The following KCNMB4 variants were observed in gnomAD, a reference collection of about 807,000 sequenced individuals.
The protein encoded by KCNMB4 is potassium calcium-activated channel subfamily M regulatory beta subunit 4, also known as calcium-activated potassium channel subunit beta-4.
Under a neutral mutation model 20.7 loss-of-function variants are expected in KCNMB4, and 3 were observed. The ratio of observed to expected loss-of-function variants is 0.14; its 90% CI spans 0.07 to 0.37. The LOEUF (loss-of-function observed/expected upper bound fraction) is 0.37, where lower values mean the gene tolerates loss of function less well. Ranked by LOEUF, KCNMB4 falls within the 10% of genes least tolerant of loss-of-function variation. The pLI, the probability that KCNMB4 is intolerant of heterozygous loss-of-function variation, is 1.00. For missense variants in KCNMB4, 168 were observed against 265.9 expected (o/e 0.63, Z 2.56); for synonymous variants, 110 against 113.4 (o/e 0.97, Z 0.19).
At chr12:70,385,766 A>G (rs557026505) in intron 1 of KCNMB4, among the ~76,000 whole-genome samples, 20 of 152,332 alleles carry the variant, frequency 1.3e-4, no homozygotes, top group Admixed American at 1.3e-3. Flanking sequence ...TATGCCAATA[A>G]ATTTGAACTC....
intron 1 of KCNMB4, among the ~76,000 whole-genome samples, chr12:70,395,470 C>T (rs1868342768): frequency 6.6e-6 from 1 of 152,074 alleles, no homozygotes; most frequent in Non-Finnish European, 1.5e-5. Flanking sequence ...CACAAAGAAC[C>T]TACTCAAAAA....
rs1020777437 is a variant in KCNMB4, at chr12:70,379,579, G to A, written c.336+12509G>A. Among the ~76,000 whole-genome samples the A allele has an allele frequency of 1.1e-4, 16 of 152,094 alleles. 1 individual carries two copies. Among genetic ancestry groups the A allele is most frequent in the Admixed American group, 1.0e-3 (16 of 15,270 alleles). Reference sequence around the variant, plus strand: ...CTACAGGTGCACTCTACCACACCTGGCTAATGTTTGTATTTTTTGTAGAGA... The same window carrying A: ...CTACAGGTGCACTCTACCACACCTGACTAATGTTTGTATTTTTTGTAGAGA... On this transcript the variant is annotated intron_variant, in intron 1 of 2. Coordinates refer to ENST00000258111, the MANE Select transcript of KCNMB4 (RefSeq NM_014505.6).
chr12:70,410,120 A>G (rs954610936), intron 2 of KCNMB4, among the ~76,000 whole-genome samples: 2 of 152,212 alleles, frequency 1.3e-5, no homozygotes, highest in African/African-American at 4.8e-5. Flanking sequence ...CAGTAGTCCT[A>G]GAATGAACTC....
intron 2 of KCNMB4, among the ~76,000 whole-genome samples, chr12:70,411,983 A>G (rs1218174521): frequency 1.3e-5 from 2 of 152,156 alleles, no homozygotes; most frequent in African/African-American, 4.8e-5. Flanking sequence ...AACAATTTGG[A>G]GACTGTTGTA....
intron 1 of KCNMB4, among the ~76,000 whole-genome samples, chr12:70,377,315 A>G (rs953594019): frequency 2.6e-5 from 4 of 152,234 alleles, no homozygotes; most frequent in East Asian, 1.9e-4. Flanking sequence ...AACAAAGCCA[A>G]TATTACGATA....
chr12:70,377,793 A>G (rs1305443741), intron 1 of KCNMB4, among the ~76,000 whole-genome samples: 4 of 152,188 alleles, frequency 2.6e-5, no homozygotes, highest in African/African-American at 4.8e-5. Flanking sequence ...AACAGTGTTC[A>G]CAGCATTTTC....
chr12:70,368,625 A>G (rs1387557930), intron 1 of KCNMB4, among the ~76,000 whole-genome samples: 1 of 152,164 alleles, frequency 6.6e-6, no homozygotes, highest in East Asian at 1.9e-4. Context: ...AATGTCAAAG[A>G]TGAGTGCCAA....
chr12:70,408,610 C>T (rs1028539693), intron 2 of KCNMB4, among the ~76,000 whole-genome samples: 1 of 151,928 alleles, frequency 6.6e-6, no homozygotes, highest in African/African-American at 2.4e-5. Context: ...AGTCTCGGTG[C>T]GGCCATCCCT....
rs894419413 is a variant in KCNMB4, at chr12:70,432,754, G to A, written c.*2101G>A. ...ACTATTCTGAAGCATAGAGTAACAC[G>A]AAACTGGGAGTCCGAGAAATAATCA... On this transcript the variant is annotated 3_prime_UTR_variant, in exon 3 of 3. Transcript: ENST00000258111. The A allele has an allele frequency of 3.3e-5, 5 of 152,144 alleles. No homozygotes were observed. Among genetic ancestry groups the A allele is most frequent in the South Asian group, 2.1e-4 (1 of 4,822 alleles). The allele number at this position is 152,144 out of a possible 1,614,324, so 9.4% of individuals were successfully genotyped here. A position where few individuals can be genotyped will look rare whatever the true frequency, so the allele number is the denominator to read the frequency against.
At chr12:70,398,510 G>A (rs185098934) in intron 1 of KCNMB4, among the ~76,000 whole-genome samples, 52 of 152,156 alleles carry the variant, frequency 3.4e-4, no homozygotes, top group African/African-American at 1.2e-3. Context: ...AATAGATGTA[G>A]AACTATATGT....
At chr12:70,388,572 A>G (rs775342499) in intron 1 of KCNMB4, among the ~76,000 whole-genome samples, 6 of 151,960 alleles carry the variant, frequency 3.9e-5, no homozygotes, top group Non-Finnish European at 8.8e-5. Context: ...GGGTGAGATG[A>G]TATCTCATTG....
chr12:70,427,866 G>T (rs1193727634), intron 2 of KCNMB4, among the ~76,000 whole-genome samples: 9 of 152,186 alleles, frequency 5.9e-5, no homozygotes, highest in Admixed American at 5.2e-4. Context: ...ACTGGAGTAT[G>T]AATACAAACG....
At chr12:70,407,866 A>T (rs1353178176) in intron 2 of KCNMB4, among the ~76,000 whole-genome samples, 1 of 152,020 alleles carries the variant, frequency 6.6e-6, no homozygotes, top group African/African-American at 2.4e-5. Context: ...AAACTTGGGC[A>T]TGGTTGAAAG....
At chr12:70,385,685 A>G (rs1868251334) in intron 1 of KCNMB4, among the ~76,000 whole-genome samples, 1 of 152,220 alleles carries the variant, frequency 6.6e-6, no homozygotes, top group Non-Finnish European at 1.5e-5. Flanking sequence ...AAAATTAGAA[A>G]CAAAAATGAG....
Position 70,400,945 on chromosome 12 carries a change from C to T in KCNMB4, c.464+609C>T, listed in dbSNP as rs183780694. On this transcript the variant is annotated intron_variant, in intron 2 of 2. Transcript: ENST00000258111. ...TCTTAGAAAATGGCATGACCATTCACTCATTTACCAAATCCAGAAACCTTT... is the reference window on the plus strand; with the variant it reads ...TCTTAGAAAATGGCATGACCATTCATTCATTTACCAAATCCAGAAACCTTT... Among the ~76,000 whole-genome samples, 808 of 152,320 alleles carry T rather than the reference C, an allele frequency of 5.3e-3. 6 individuals carry two copies. Among genetic ancestry groups the T allele is most frequent in the African/African-American group, 0.019 (776 of 41,572 alleles).
At chr12:70,373,365 C>T (rs1161886783) in intron 1 of KCNMB4, among the ~76,000 whole-genome samples, 1 of 152,092 alleles carries the variant, frequency 6.6e-6, no homozygotes, top group Non-Finnish European at 1.5e-5. Context: ...AGAGGCAGGT[C>T]AGAGTGATAG....
rs555294903 is a variant in KCNMB4 at position 70,370,858 on chromosome 12, CATTT to C, written c.336+3805_336+3808del. On this transcript the variant is annotated intron_variant, in intron 1 of 2. Transcript: ENST00000258111. ...GTGATTAGAGATAATATGGTTATTTCATTTATTTATTTATTTATTTTTGAGTCTC... is the reference window on the plus strand; with the variant it reads ...GTGATTAGAGATAATATGGTTATTTCATTTATTTATTTATTTTTGAGTCTC... Among the ~76,000 whole-genome samples, 11 of 150,330 alleles carry C rather than the reference CATTT, an allele frequency of 7.3e-5. No individual in the cohort carries two copies. The South Asian group carries it at 1.5e-3, about 20-fold the overall frequency.
At chr12:70,383,359 G>T (rs79056380) in intron 1 of KCNMB4, among the ~76,000 whole-genome samples, 3,635 of 152,244 alleles carry the variant, frequency 0.024, 163 homozygotes, top group African/African-American at 0.082. Flanking sequence ...TATCAAGTTG[G>T]TACATATTAA....
intron 1 of KCNMB4, among the ~76,000 whole-genome samples, chr12:70,388,681 A>C (rs1868276472): frequency 6.6e-6 from 1 of 152,172 alleles, no homozygotes; most frequent in Non-Finnish European, 1.5e-5. Flanking sequence ...TTTTAATTAG[A>C]ATAGCAGTGT....
Sources: allele counts gnomAD v4.1 joint callset (sites outside exome capture counted in the v4.1 genomes callset), GRCh38; gene constraint gnomAD v4.1.1; transcripts MANE v1.5; gene names NCBI Gene and HGNC (gene_info 2026-07-23, HGNC 2026-07-21).